The following MAML2 variants were observed in gnomAD, a reference collection of about 807,000 sequenced individuals.
MAML2 encodes the protein mastermind like transcriptional coactivator 2.
Under a neutral mutation model 96.1 loss-of-function variants are expected in MAML2, and 22 were observed. The ratio of observed to expected loss-of-function variants is 0.23; its 90% CI spans 0.16 to 0.33. The LOEUF (loss-of-function observed/expected upper bound fraction) is 0.33. Among genes scored for constraint, MAML2 ranks in the 10% least tolerant of loss-of-function variants. The pLI, the probability that MAML2 is intolerant of heterozygous loss-of-function variation, is 1.00. For synonymous variants in MAML2, 561 were observed against 521.3 expected (o/e 1.08, Z -1.04); for missense variants, 1,367 against 1,392.4 (o/e 0.98, Z 0.29).
At chr11:96,198,508 G>C (rs1363896070) in intron 1 of MAML2, among the ~76,000 whole-genome samples, 1 of 152,174 alleles carries the variant, frequency 6.6e-6, no homozygotes, top group African/African-American at 2.4e-5. Context: ...TAATCATCAT[G>C]GGGGTAGATG....
intron 2 of MAML2, among the ~76,000 whole-genome samples, chr11:96,089,587 G>A (rs970199195): frequency 1.3e-5 from 2 of 152,176 alleles, no homozygotes; most frequent in East Asian, 1.9e-4. Flanking sequence ...TTGAACAATA[G>A]CATCATTATC....
intron 1 of MAML2, among the ~76,000 whole-genome samples, chr11:96,328,620 G>A (rs931444818): frequency 1.3e-5 from 2 of 152,158 alleles, no homozygotes; most frequent in African/African-American, 4.8e-5. Context: ...GAGATAGGGA[G>A]GGAGAGAGGG....
At chr11:96,338,468 A>C (rs1863947305) in intron 1 of MAML2, among the ~76,000 whole-genome samples, 1 of 152,242 alleles carries the variant, frequency 6.6e-6, no homozygotes, top group Non-Finnish European at 1.5e-5. Context: ...TTGTTCTTGA[A>C]ACTTAAGGCT....
intron 1 of MAML2, among the ~76,000 whole-genome samples, chr11:96,307,188 G>A (rs191388437): frequency 4.9e-4 from 75 of 152,228 alleles, no homozygotes; most frequent in African/African-American, 1.7e-3. Flanking sequence ...CCCTGCTCCC[G>A]CTTTCCTTTT....
chr11:96,004,497 A>G (rs1192102951), intron 2 of MAML2, among the ~76,000 whole-genome samples: 1 of 152,164 alleles, frequency 6.6e-6, no homozygotes, highest in African/African-American at 2.4e-5. Flanking sequence ...CCTTAATGAC[A>G]ATTGTATAGA....
intron 1 of MAML2, among the ~76,000 whole-genome samples, chr11:96,281,427 A>G (rs1591111644): frequency 6.6e-6 from 1 of 152,216 alleles, no homozygotes; most frequent in South Asian, 2.1e-4. Flanking sequence ...GGAAGCAAGC[A>G]GGAATGGGGC....
At position 96,336,597 on chromosome 11, in the gene MAML2, A is replaced by G. The variant is rs1273179441; in HGVS notation, c.513+4786T>C. Among the ~76,000 whole-genome samples the G allele has an allele frequency of 2.0e-5, 3 of 152,236 alleles. No individual in the cohort carries two copies. The East Asian group carries it at 5.8e-4, about 29-fold the overall frequency. On this transcript the variant is annotated intron_variant, in intron 1 of 4. Coordinates refer to ENST00000524717, the MANE Select transcript of MAML2 (RefSeq NM_032427.4). ...ATAAACATATATAAGGGTCTGGATT[A>G]AAGAACAAGAAAGCAGTAGAATCCA...
intron 3 of MAML2, 81 bp downstream of exon 3, chr11:95,991,439 C>G: frequency 7.8e-7 from 1 of 1,288,788 alleles, no homozygotes; most frequent in South Asian, 1.2e-5. Flanking sequence ...TAAGTAGGCA[C>G]AGTAAATATA....
chr11:96,212,740 T>C (rs533227882), intron 1 of MAML2, among the ~76,000 whole-genome samples: 1 of 151,962 alleles, frequency 6.6e-6, no homozygotes, highest in South Asian at 2.1e-4. Context: ...CATAAATGAG[T>C]CATCAGTCCA....
chr11:96,174,863 C>T (rs951095112), intron 1 of MAML2, among the ~76,000 whole-genome samples: 13 of 152,206 alleles, frequency 8.5e-5, no homozygotes, highest in Admixed American at 4.6e-4. Flanking sequence ...CCACTATTTC[C>T]CTCTGACAGT....
At chr11:95,988,053 A>G (rs1474389003) in intron 3 of MAML2, among the ~76,000 whole-genome samples, 3 of 151,928 alleles carry the variant, frequency 2.0e-5, no homozygotes, top group African/African-American at 7.3e-5. Context: ...TCTTTTCCAA[A>G]AGCATCTGTC....
chr11:96,094,842 A>ATCACTTC (rs1859798382), intron 1 of MAML2, among the ~76,000 whole-genome samples: 1 of 152,174 alleles, frequency 6.6e-6, no homozygotes, highest in African/African-American at 2.4e-5. Flanking sequence ...AGAAAATTCT[A>ATCACTTC]TCACTTCTCC....
intron 1 of MAML2, among the ~76,000 whole-genome samples, chr11:96,338,407 T>C (rs1432894875): frequency 2.0e-5 from 3 of 152,260 alleles, no homozygotes; most frequent in African/African-American, 7.2e-5. Context: ...GCTGTAGAAT[T>C]AGGCTGTCAA....
At chr11:96,110,999 T>C (rs1454841132) in intron 1 of MAML2, among the ~76,000 whole-genome samples, 1 of 152,150 alleles carries the variant, frequency 6.6e-6, no homozygotes, top group African/African-American at 2.4e-5. Context: ...ATGCCTATCA[T>C]GTATTATCAA....
At chr11:96,328,072 G>C (rs1863809244) in intron 1 of MAML2, among the ~76,000 whole-genome samples, 1 of 152,076 alleles carries the variant, frequency 6.6e-6, no homozygotes, top group African/African-American at 2.4e-5. Flanking sequence ...CTCCAACCTA[G>C]GTGACAGAGT....
chr11:96,099,261 A>G (rs921067609), intron 1 of MAML2, among the ~76,000 whole-genome samples: 1 of 152,134 alleles, frequency 6.6e-6, no homozygotes, highest in African/African-American at 2.4e-5. Context: ...AAGCTAATAT[A>G]TGACTCTTGA....
intron 2 of MAML2, among the ~76,000 whole-genome samples, chr11:96,047,309 AC>A (rs1364290444): frequency 3.3e-5 from 5 of 151,964 alleles, no homozygotes; most frequent in African/African-American, 1.2e-4. Flanking sequence ...CAACTAACTC[AC>A]CTCCCAACCC....
At chr11:95,987,888 A>ATTT (rs1857852491) in intron 3 of MAML2, among the ~76,000 whole-genome samples, 1 of 152,168 alleles carries the variant, frequency 6.6e-6, no homozygotes, top group Non-Finnish European at 1.5e-5. Context: ...GGTTGGTGAA[A>ATTT]TGCTCTTTGG....
chr11:96,128,875 C>T (rs906794829), intron 1 of MAML2, among the ~76,000 whole-genome samples: 45 of 151,882 alleles, frequency 3.0e-4, no homozygotes, highest in African/African-American at 9.7e-4. Context: ...GTGGCATTGA[C>T]GAAAAAAGTA....
Sources: gnomAD v4.1 joint callset for allele counts (sites outside exome capture counted in the v4.1 genomes callset) on GRCh38, gnomAD v4.1.1 for gene constraint, MANE v1.5 for transcripts, NCBI Gene and HGNC (gene_info 2026-07-23, HGNC 2026-07-21) for gene names.